ITFG1: variants seen among roughly 807,000 people sequenced by gnomAD.
ITFG1 encodes the protein integrin alpha FG-GAP repeat containing 1, also known as T-cell immunomodulatory protein.
ITFG1 carries 34 observed loss-of-function variants against 81.8 expected under a neutral mutation model. That is an observed-to-expected ratio of 0.42 (90% CI 0.32 to 0.55). The LOEUF (loss-of-function observed/expected upper bound fraction) is 0.55. Ranked by LOEUF, ITFG1 falls within the 20% of genes least tolerant of loss-of-function variation. The probability of loss-of-function intolerance (pLI) is 0.17; values close to 1 mark genes in which losing one functional copy is unlikely to be tolerated. For synonymous variants in ITFG1, 285 were observed against 270.6 expected, an observed-to-expected ratio of 1.05 and a Z score of -0.52; for missense variants, 672 against 755.4, an observed-to-expected ratio of 0.89 and a Z score of 1.29.
At chr16:47,356,008 A>G (rs903632680) in intron 8 of ITFG1, among the ~76,000 whole-genome samples, 3 of 152,340 alleles carry the variant, frequency 2.0e-5, no homozygotes, top group South Asian at 2.1e-4. Context: ...AGATGATAAC[A>G]TATTTTAAAA....
rs1967408871 is a variant in ITFG1, at chr16:47,319,068, T to G, written c.803-5245A>C. On this transcript the variant is annotated intron_variant, in intron 8 of 17. Transcript: ENST00000320640. ...CTATCTTGCACTTTGAATGAATGCT[T>G]CATATCCATCTATGCATTCATGTAA... Among the ~76,000 whole-genome samples, 3 of 152,206 alleles carry G rather than the reference T, an allele frequency of 2.0e-5. No homozygotes were observed. The South Asian group carries it at 6.2e-4, about 31-fold the overall frequency.
intron 14 of ITFG1, among the ~76,000 whole-genome samples, chr16:47,169,698 G>A (rs1034141818): frequency 1.6e-4 from 24 of 152,154 alleles, no homozygotes; most frequent in Non-Finnish European, 2.9e-5. Context: ...GAATTGCTAA[G>A]TGTAGGAATT....
At chr16:47,340,394 T>TA (rs1967765505) in intron 8 of ITFG1, among the ~76,000 whole-genome samples, 1 of 152,120 alleles carries the variant, frequency 6.6e-6, no homozygotes, top group Non-Finnish European at 1.5e-5. Context: ...ATCAATAACA[T>TA]AAACAGGAAT....
intron 8 of ITFG1, among the ~76,000 whole-genome samples, chr16:47,328,058 C>T (rs1249528404): frequency 4.1e-4 from 62 of 152,146 alleles, no homozygotes. Context: ...ATAGCAAAGA[C>T]TTGGAACCAA....
At chr16:47,357,207 C>T (rs1043240740) in intron 8 of ITFG1, among the ~76,000 whole-genome samples, 1 of 151,910 alleles carries the variant, frequency 6.6e-6, no homozygotes, top group Non-Finnish European at 1.5e-5. Context: ...TATTAAATTA[C>T]AAAATAGCAA....
intron 6 of ITFG1, among the ~76,000 whole-genome samples, chr16:47,376,726 G>A (rs1199713552): frequency 6.6e-6 from 1 of 152,018 alleles, no homozygotes; most frequent in African/African-American, 2.4e-5. Flanking sequence ...TGTGGCTCAC[G>A]CCTATAATCG....
At chr16:47,341,845 T>C (rs1182496513) in intron 8 of ITFG1, among the ~76,000 whole-genome samples, 2 of 152,114 alleles carry the variant, frequency 1.3e-5, no homozygotes, top group African/African-American at 4.8e-5. Context: ...TTCCTAAAAA[T>C]ACTGAAATTA....
At chr16:47,162,493 A>T in intron 15 of ITFG1, 47 bp downstream of exon 15, 1 of 1,403,084 alleles carries the variant, frequency 7.1e-7, no homozygotes, top group Non-Finnish European at 9.8e-7. Flanking sequence ...TTAAATAGTG[A>T]ATATTAAAAC....
upstream of ITFG1, chr16:47,461,203 G>A (rs1969540930): frequency 1.0e-6 from 1 of 970,948 alleles, no homozygotes. Flanking sequence ...CCCTTCCGAC[G>A]CTAAAAAAGC....
intron 10 of ITFG1, among the ~76,000 whole-genome samples, chr16:47,275,924 C>T (rs753289279): frequency 5.9e-5 from 9 of 151,988 alleles, no homozygotes; most frequent in Non-Finnish European, 1.3e-4. Flanking sequence ...TATTTACATT[C>T]TATTAAGTCA....
chr16:47,349,386 C>CA (rs1421987621), intron 8 of ITFG1, among the ~76,000 whole-genome samples: 3 of 151,490 alleles, frequency 2.0e-5, no homozygotes, highest in Non-Finnish European at 4.4e-5. Context: ...AAATGGAAAA[C>CA]AAAAAAAGGC....
chr16:47,233,153 G>A lies in ITFG1; in HGVS notation c.1374+4812C>T, dbSNP rs1965835293. On this transcript the variant is annotated intron_variant, in intron 13 of 17. Coordinates refer to ENST00000320640, the MANE Select transcript of ITFG1 (RefSeq NM_030790.5). ...TGGTCTGAATGTAAAGTTCCTTAAT[G>A]TTGTCACTCTAGTTCTCATAATAAG... 2.0e-5 allele frequency among the ~76,000 whole-genome samples: 3 copies of A among 152,282 alleles called. No individual in the cohort carries two copies. In the South Asian group the frequency reaches 6.2e-4, roughly 32 times the overall value.
intron 8 of ITFG1, among the ~76,000 whole-genome samples, chr16:47,327,973 C>G (rs180917497): frequency 7.4e-4 from 112 of 152,188 alleles, no homozygotes; most frequent in African/African-American, 2.2e-3. Context: ...CCATTACTGG[C>G]TATATACCCA....
intron 16 of ITFG1, 146 bp downstream of exon 16, chr16:47,161,604 G>A (rs1448430051): frequency 4.0e-6 from 2 of 501,638 alleles, no homozygotes; most frequent in East Asian, 3.0e-5. Context: ...AGTATGTTTA[G>A]TCATTTAAAG....
At chr16:47,249,324 CAGG>C (rs1966038842) in intron 12 of ITFG1, among the ~76,000 whole-genome samples, 1 of 152,074 alleles carries the variant, frequency 6.6e-6, no homozygotes, top group Non-Finnish European at 1.5e-5. Flanking sequence ...GAGGCTGAGG[CAGG>C]AGAATTGCTT....
intron 10 of ITFG1, among the ~76,000 whole-genome samples, chr16:47,302,752 C>G (rs1967095616): frequency 6.6e-6 from 1 of 152,208 alleles, no homozygotes; most frequent in South Asian, 2.1e-4. Context: ...CTTCATTTCA[C>G]AGATGCAGAA....
intron 14 of ITFG1, among the ~76,000 whole-genome samples, chr16:47,190,305 T>A (rs912030264): frequency 4.6e-5 from 7 of 152,178 alleles, no homozygotes; most frequent in Non-Finnish European, 8.8e-5. Flanking sequence ...GAGAAGAGTT[T>A]TTTTAGTCCC....
intron 1 of ITFG1, among the ~76,000 whole-genome samples, chr16:47,460,279 T>C (rs924123773): frequency 1.3e-5 from 2 of 152,134 alleles, no homozygotes; most frequent in African/African-American, 4.8e-5. Flanking sequence ...AGCTGTTTAG[T>C]GTTTAGGCCC....
At chr16:47,445,831 G>A (rs1212109015) in intron 5 of ITFG1, among the ~76,000 whole-genome samples, 2 of 152,140 alleles carry the variant, frequency 1.3e-5, no homozygotes, top group Admixed American at 6.6e-5. Context: ...AGAGGTGGAG[G>A]CCATATGAAG....
Sources: allele counts gnomAD v4.1 joint callset (sites outside exome capture counted in the v4.1 genomes callset), GRCh38; gene constraint gnomAD v4.1.1; transcripts MANE v1.5; gene names NCBI Gene and HGNC (gene_info 2026-07-23, HGNC 2026-07-21).